OR10R2: variants seen among roughly 807,000 people sequenced by gnomAD.
OR10R2 encodes the protein olfactory receptor 10R2.
In OR10R2, 1 loss-of-function variant was observed where a neutral mutation model predicts 2.4. That is an observed-to-expected ratio of 0.41 (90% CI 0.15 to 1.95). The LOEUF (loss-of-function observed/expected upper bound fraction) is 1.95, where lower values mean the gene tolerates loss of function less well. Ranked by LOEUF, OR10R2 falls within the 30% of genes most tolerant of loss-of-function variation. The pLI, the probability that OR10R2 is intolerant of heterozygous loss-of-function variation, is 0.30. For missense variants in OR10R2, 419 were observed against 373.0 expected, an observed-to-expected ratio of 1.12 and a Z score of -1.01; for synonymous variants, 166 against 144.8, an observed-to-expected ratio of 1.15 and a Z score of -1.05.
chr1:158,478,803 T>C (rs1656321800), intron 1 of OR10R2, among the ~76,000 whole-genome samples: 1 of 152,144 alleles, frequency 6.6e-6, no homozygotes, highest in South Asian at 2.1e-4. Context: ...ATACAGATAA[T>C]TAGTCATAAT....
At chr1:158,479,538 A>G (rs1656337482) in intron 1 of OR10R2, among the ~76,000 whole-genome samples, 2 of 152,302 alleles carry the variant, frequency 1.3e-5, no homozygotes, top group African/African-American at 4.8e-5. Flanking sequence ...TAGTAGGCCA[A>G]ATAATGAGCT....
At chr1:158,480,730 A>G (rs1656385819) in exon 2 of OR10R2, 1 of 1,613,188 alleles carries the variant, frequency 6.2e-7, no homozygotes, top group African/African-American at 1.3e-5. Context: ...GCCTACAGCA[A>G]ACTATGTGTC....
intron 1 of OR10R2, among the ~76,000 whole-genome samples, chr1:158,476,650 G>T (rs1255521866): frequency 6.6e-6 from 1 of 151,882 alleles, no homozygotes. Context: ...TGTAAGATAC[G>T]TTTTAGTCTT....
chr1:158,479,715 A>G (rs1443190398), intron 1 of OR10R2, among the ~76,000 whole-genome samples: 1 of 152,098 alleles, frequency 6.6e-6, no homozygotes, highest in Non-Finnish European at 1.5e-5. Flanking sequence ...TAAAATTGGG[A>G]GAGAGAATCA....
intron 1 of OR10R2, 171 bp from the exon 2 acceptor site, chr1:158,479,767 T>C: frequency 1.5e-6 from 1 of 659,674 alleles, no homozygotes. Context: ...ACTTTGAAGA[T>C]GGAAGAAGAG....
exon 2 of OR10R2, chr1:158,480,799 A>G: frequency 6.2e-7 from 1 of 1,613,196 alleles, no homozygotes; most frequent in Non-Finnish European, 8.5e-7. Flanking sequence ...ACTAAACCCC[A>G]TGGTTTATAG....
intron 1 of OR10R2, among the ~76,000 whole-genome samples, chr1:158,474,244 C>A (rs1341957523): frequency 6.6e-6 from 1 of 152,082 alleles, no homozygotes; most frequent in East Asian, 1.9e-4. Context: ...AATGCCATGC[C>A]TCCTATTCTC....
At chr1:158,480,126 T>G (rs1403346906) in exon 2 of OR10R2, 1 of 1,613,816 alleles carries the variant, frequency 6.2e-7, no homozygotes, top group African/African-American at 1.3e-5. Flanking sequence ...ACTTCTTCCT[T>G]GGCATTCTCT....
At chr1:158,475,367 A>G (rs184369890) in intron 1 of OR10R2, among the ~76,000 whole-genome samples, 33 of 152,264 alleles carry the variant, frequency 2.2e-4, no homozygotes, top group Admixed American at 1.8e-3. Context: ...ATTTCTTGGC[A>G]TAAACAAAAC....
chr1:158,476,164 C>T (rs1323809120), intron 1 of OR10R2, among the ~76,000 whole-genome samples: 1 of 151,952 alleles, frequency 6.6e-6, no homozygotes, highest in Non-Finnish European at 1.5e-5. Flanking sequence ...TATGGAAGAG[C>T]TTTCAAAAAT....
chr1:158,476,644 A>G (rs1457550139), intron 1 of OR10R2, among the ~76,000 whole-genome samples: 1 of 152,148 alleles, frequency 6.6e-6, no homozygotes, highest in Non-Finnish European at 1.5e-5. Flanking sequence ...TAAATGTGTA[A>G]GATACGTTTT....
At chr1:158,480,823 G>A in exon 2 of OR10R2, 4 of 1,603,480 alleles carry the variant, frequency 2.5e-6, no homozygotes, top group Non-Finnish European at 3.4e-6. Context: ...CAGAAACAAG[G>A]ATGTCCAACT....
chr1:158,479,726 G>A, intron 1 of OR10R2: 2 of 602,686 alleles, frequency 3.3e-6, no homozygotes, highest in Non-Finnish European at 5.9e-6. Flanking sequence ...GAGAGAATCA[G>A]AAAGTCAGAG....
intron 1 of OR10R2, among the ~76,000 whole-genome samples, chr1:158,474,909 C>T (rs1038933456): frequency 3.3e-5 from 5 of 151,782 alleles, no homozygotes; most frequent in Admixed American, 6.6e-5. Context: ...TGTCTTAAAA[C>T]GTATTTTCCT....
intron 1 of OR10R2, among the ~76,000 whole-genome samples, chr1:158,477,137 G>A (rs11264976): frequency 0.56 from 84,680 of 151,866 alleles, 23,676 homozygotes; most frequent in Middle Eastern, 0.64. Context: ...AAAATCTAAC[G>A]TCCCTTCATG....
At position 158,480,398 on chromosome 1, in the gene OR10R2, T is replaced by C. The variant is rs537095126; in HGVS notation, c.488T>C (p.Leu163Ser). ...GCTGCCTGTGCAATTGGTGGCTTCTTGGCCTCTCTTACAGTAGTAAATTTA... is the reference window on the plus strand; with the variant it reads ...GCTGCCTGTGCAATTGGTGGCTTCTCGGCCTCTCTTACAGTAGTAAATTTA... Residue 163 changes from leucine to serine, a missense_variant, in exon 2 of 2, where the codon TTG becomes TCG. Leu to Ser is a moderately radical substitution (Grantham distance 145, BLOSUM62 -2). Transcript: ENST00000641067. 7 of 1,614,144 alleles carry C rather than the reference T, an allele frequency of 4.3e-6. No homozygotes were observed. The East Asian group carries it at 1.6e-4, about 36-fold the overall frequency.
intron 1 of OR10R2, among the ~76,000 whole-genome samples, chr1:158,473,974 C>T (rs1270627867): frequency 2.9e-5 from 4 of 136,118 alleles, no homozygotes; most frequent in African/African-American, 1.1e-4. Context: ...TTTTTCTTTT[C>T]TTTCTTTTTT....
At chr1:158,473,072 T>C (rs924013372) in intron 1 of OR10R2, among the ~76,000 whole-genome samples, 1 of 152,208 alleles carries the variant, frequency 6.6e-6, no homozygotes, top group Non-Finnish European at 1.5e-5. Context: ...ATAACATAAA[T>C]TTTTATCTAG....
At chr1:158,477,182 A>T (rs964970000) in intron 1 of OR10R2, among the ~76,000 whole-genome samples, 1 of 152,238 alleles carries the variant, frequency 6.6e-6, no homozygotes, top group Admixed American at 6.5e-5. Flanking sequence ...TTTAAGGAAC[A>T]TATCTCAAAA....
Sources: allele counts gnomAD v4.1 joint callset (sites outside exome capture counted in the v4.1 genomes callset), GRCh38; gene constraint gnomAD v4.1.1; transcripts MANE v1.5; gene names NCBI Gene and HGNC (gene_info 2026-07-23, HGNC 2026-07-21).